The following LUZP2 variants were observed in gnomAD, a reference collection of about 807,000 sequenced individuals.
LUZP2 encodes leucine zipper protein 2.
LUZP2 carries 52 observed loss-of-function variants against 51.6 expected under a neutral mutation model. The ratio of observed to expected loss-of-function variants is 1.01; its 90% CI spans 0.81 to 1.27. LUZP2 has a LOEUF of 1.27. LUZP2 is among the 50% of genes most tolerant of loss of function. LUZP2 has a pLI of 0.00. For synonymous variants in LUZP2, 154 were observed against 137.3 expected (o/e 1.12, Z -0.85); for missense variants, 436 against 395.4 (o/e 1.10, Z -0.87).
At chr11:24,681,241 A>T (rs1856728060) in intron 1 of LUZP2, among the ~76,000 whole-genome samples, 1 of 151,730 alleles carries the variant, frequency 6.6e-6, no homozygotes, top group Admixed American at 6.6e-5. Flanking sequence ...TCGGCCTCCC[A>T]AAGTGCTGGG....
intron 1 of LUZP2, among the ~76,000 whole-genome samples, chr11:24,500,411 G>A (rs1478921565): frequency 6.6e-6 from 1 of 152,182 alleles, no homozygotes; most frequent in African/African-American, 2.4e-5. Context: ...AAGCAAACAT[G>A]TTGGTTTAAT....
intron 1 of LUZP2, among the ~76,000 whole-genome samples, chr11:24,526,564 C>A (rs1247946660): frequency 6.7e-6 from 1 of 150,368 alleles, no homozygotes. Flanking sequence ...AATTATGTTT[C>A]TTTTCATTTA....
Position 24,932,502 on chromosome 11 carries a change from G to T in LUZP2, c.522+17964G>T, listed in dbSNP as rs79598971. Among the ~76,000 whole-genome samples, 1,471 of 152,174 alleles carry T rather than the reference G, an allele frequency of 9.7e-3. 20 individuals are homozygous for T. Among genetic ancestry groups the T allele is most frequent in the South Asian group, 0.044 (214 of 4,820 alleles). ...AGCTGCTATGAGGGATAGGGGTGTG[G>T]TTCTCAGGCCAATTGAATTATGTTC... On this transcript the variant is annotated intron_variant, in intron 7 of 11. Coordinates refer to ENST00000336930, the MANE Select transcript of LUZP2 (RefSeq NM_001009909.4).
chr11:24,925,422 C>A (rs1256954652), intron 7 of LUZP2, among the ~76,000 whole-genome samples: 1 of 152,100 alleles, frequency 6.6e-6, no homozygotes, highest in East Asian at 1.9e-4. Context: ...TTAAAAGAAC[C>A]AACAGCTTAG....
At chr11:24,879,243 T>G (rs1399646270) in intron 5 of LUZP2, among the ~76,000 whole-genome samples, 2 of 152,136 alleles carry the variant, frequency 1.3e-5, no homozygotes, top group Non-Finnish European at 2.9e-5. Context: ...CCTGCCCAGC[T>G]GATCTCATTT....
intron 5 of LUZP2, among the ~76,000 whole-genome samples, chr11:24,771,536 G>T (rs899045527): frequency 6.6e-6 from 1 of 151,010 alleles, no homozygotes; most frequent in Admixed American, 6.6e-5. Flanking sequence ...CCAGGACTTT[G>T]CATATATTGA....
intron 1 of LUZP2, among the ~76,000 whole-genome samples, chr11:24,517,855 A>G (rs906886): frequency 0.04 from 6,100 of 152,234 alleles, 159 homozygotes; most frequent in Middle Eastern, 0.11. Flanking sequence ...GGTGTATAAC[A>G]GGCTCTTTTT....
intron 5 of LUZP2, among the ~76,000 whole-genome samples, chr11:24,855,610 T>C (rs932465562): frequency 1.3e-5 from 2 of 152,138 alleles, no homozygotes; most frequent in African/African-American, 2.4e-5. Flanking sequence ...AATTAGAAAA[T>C]ACTGTTTTAA....
intron 1 of LUZP2, among the ~76,000 whole-genome samples, chr11:24,716,264 A>T (rs1294477865): frequency 6.6e-6 from 1 of 152,170 alleles, no homozygotes; most frequent in African/African-American, 2.4e-5. Context: ...AAATCTTGAG[A>T]TGTCATGGCA....
chr11:24,696,292 C>G (rs1857245199), intron 1 of LUZP2, among the ~76,000 whole-genome samples: 1 of 152,038 alleles, frequency 6.6e-6, no homozygotes, highest in Non-Finnish European at 1.5e-5. Context: ...GGATGTGTCT[C>G]TGAAGTTATT....
intron 1 of LUZP2, among the ~76,000 whole-genome samples, chr11:24,507,164 G>A (rs181484649): frequency 6.4e-4 from 98 of 152,012 alleles, no homozygotes; most frequent in African/African-American, 2.2e-3. Flanking sequence ...TACCTGTGAT[G>A]GTCCTTAAAA....
intron 1 of LUZP2, among the ~76,000 whole-genome samples, chr11:24,583,934 G>A (rs886398550): frequency 1.3e-5 from 2 of 151,102 alleles, no homozygotes; most frequent in African/African-American, 2.4e-5. Flanking sequence ...GGATGGTCTC[G>A]ATCTCCTGAC....
At chr11:24,526,589 GA>G (rs951269468) in intron 1 of LUZP2, among the ~76,000 whole-genome samples, 1 of 151,114 alleles carries the variant, frequency 6.6e-6, no homozygotes, top group African/African-American at 2.4e-5. Flanking sequence ...TGTTCCATGG[GA>G]CGTTGTTAAA....
intron 1 of LUZP2, among the ~76,000 whole-genome samples, chr11:24,560,103 C>T (rs532929143): frequency 2.6e-5 from 4 of 152,078 alleles, no homozygotes; most frequent in Admixed American, 2.6e-4. Context: ...TGCACATGCA[C>T]CCCAGTGTGA....
At chr11:24,517,966 A>G (rs1431980198) in intron 1 of LUZP2, among the ~76,000 whole-genome samples, 1 of 152,120 alleles carries the variant, frequency 6.6e-6, no homozygotes, top group Non-Finnish European at 1.5e-5. Flanking sequence ...GACATATTCC[A>G]GGGATTATTT....
In LUZP2 at chr11:24,732,168, G is replaced by A. The variant is rs1437605098; in HGVS notation, c.231G>A (p.Leu77=). ...QSAKTDVQKL[L]ELGQKQREEM... The stretch of plus-strand genomic sequence containing the variant: ...CCAAAACTGATGTTCAGAAACTTCT[G>A]GAATTAGGACAGAAACAAAGGTAAG... The change falls in exon 3 of 12, where the codon CTG becomes CTA. Residue 77 remains leucine, a synonymous_variant. Coordinates refer to ENST00000336930, the MANE Select transcript of LUZP2 (RefSeq NM_001009909.4). 6.2e-7 allele frequency: 1 copy of A among 1,608,886 alleles called. No individual in the cohort carries two copies. The highest frequency in any genetic ancestry group is 1.1e-5 in the South Asian group (1 of 90,570).
At chr11:25,027,434 TA>T in intron 9 of LUZP2, among the ~76,000 whole-genome samples, 1 of 152,306 alleles carries the variant, frequency 6.6e-6, no homozygotes, top group South Asian at 2.1e-4. Context: ...GAAGCACCCA[TA>T]AACTTCTTCA....
chr11:24,703,852 CA>C (rs954709412), intron 1 of LUZP2, among the ~76,000 whole-genome samples: 4 of 66,080 alleles, frequency 6.1e-5, no homozygotes, highest in African/African-American at 2.6e-4. Context: ...AACAAACAAA[CA>C]AAAAAAACGA....
At chr11:24,601,990 GTATATATGTA>G (rs1297867308) in intron 1 of LUZP2, among the ~76,000 whole-genome samples, 4,915 of 138,198 alleles carry the variant, frequency 0.036, 209 homozygotes, top group African/African-American at 0.087. Flanking sequence ...ATATATATGT[GTATATATGTA>G]TATATATGTA....
Sources: allele counts gnomAD v4.1 joint callset (sites outside exome capture counted in the v4.1 genomes callset), GRCh38; gene constraint gnomAD v4.1.1; transcripts MANE v1.5; gene names NCBI Gene and HGNC (gene_info 2026-07-23, HGNC 2026-07-21).